The following KCNIP4 variants were observed in gnomAD, a reference collection of about 807,000 sequenced individuals.
The protein encoded by KCNIP4 is potassium voltage-gated channel interacting protein 4.
A neutral mutation model predicts 34.0 loss-of-function variants in KCNIP4; 12 were observed. The observed-to-expected ratio is 0.35, with a 90% CI of 0.23 to 0.57. The LOEUF is 0.57. Ranked by LOEUF, KCNIP4 falls within the 20% of genes least tolerant of loss-of-function variation. KCNIP4 has a pLI of 0.83. For synonymous variants in KCNIP4, 124 were observed against 102.2 expected (o/e 1.21, Z -1.29); for missense variants, 238 against 311.7 (o/e 0.76, Z 1.78).
chr4:21,034,090 G>T (rs1300572362), intron 1 of KCNIP4, among the ~76,000 whole-genome samples: 2 of 152,116 alleles, frequency 1.3e-5, no homozygotes, highest in Non-Finnish European at 2.9e-5. Context: ...ACACAAAAAA[G>T]AGAGAGACAT....
intron 1 of KCNIP4, among the ~76,000 whole-genome samples, chr4:21,234,779 C>A (rs1022269297): frequency 6.6e-6 from 1 of 151,410 alleles, no homozygotes; most frequent in African/African-American, 2.4e-5. Flanking sequence ...TCCTGAGTAG[C>A]TGAGATTACA....
intron 1 of KCNIP4, among the ~76,000 whole-genome samples, chr4:21,193,540 A>G (rs562305284): frequency 6.6e-6 from 1 of 150,666 alleles, no homozygotes; most frequent in Admixed American, 6.6e-5. Flanking sequence ...TGTAGCAGTC[A>G]TTCAGTATGG....
chr4:21,796,834 G>C (rs1720655643), intron 1 of KCNIP4, among the ~76,000 whole-genome samples: 1 of 152,140 alleles, frequency 6.6e-6, no homozygotes, highest in African/African-American at 2.4e-5. Context: ...ACATGTTCCG[G>C]AAAAGCCCAA....
chr4:20,920,014 T>C (rs556637274), intron 1 of KCNIP4, among the ~76,000 whole-genome samples: 4 of 152,140 alleles, frequency 2.6e-5, no homozygotes, highest in Non-Finnish European at 5.9e-5. Flanking sequence ...ATTGAATGGC[T>C]CTAGGCCATT....
At chr4:21,803,081 C>A (rs781560432) in intron 1 of KCNIP4, among the ~76,000 whole-genome samples, 1 of 152,112 alleles carries the variant, frequency 6.6e-6, no homozygotes, top group African/African-American at 2.4e-5. Flanking sequence ...GGGATGAAGG[C>A]CTGCTCCAGA....
chr4:20,839,463 A>G (rs1434122494), intron 3 of KCNIP4, among the ~76,000 whole-genome samples: 2 of 147,634 alleles, frequency 1.4e-5, no homozygotes, highest in Non-Finnish European at 3.0e-5. Context: ...GCAAGTAGAT[A>G]TCTATATTGT....
intron 1 of KCNIP4, among the ~76,000 whole-genome samples, chr4:21,255,135 T>G (rs1266547777): frequency 6.6e-6 from 1 of 152,200 alleles, no homozygotes; most frequent in East Asian, 1.9e-4. Flanking sequence ...TCTGCCCATT[T>G]TGCCCAACTA....
chr4:21,345,792 A>T (rs1578106734), intron 1 of KCNIP4, among the ~76,000 whole-genome samples: 1 of 152,138 alleles, frequency 6.6e-6, no homozygotes, highest in Non-Finnish European at 1.5e-5. Context: ...CTCCTTAAAA[A>T]TATGAAATTT....
intron 1 of KCNIP4, among the ~76,000 whole-genome samples, chr4:21,360,831 T>G (rs1268206356): frequency 6.6e-6 from 1 of 152,122 alleles, no homozygotes; most frequent in Non-Finnish European, 1.5e-5. Flanking sequence ...CGGTCATGTT[T>G]AGACAACAGG....
At chr4:21,636,763 A>G (rs1746201804) in intron 1 of KCNIP4, among the ~76,000 whole-genome samples, 1 of 152,240 alleles carries the variant, frequency 6.6e-6, no homozygotes, top group Non-Finnish European at 1.5e-5. Flanking sequence ...ATGGCAAATA[A>G]GAAATAATAT....
intron 2 of KCNIP4, among the ~76,000 whole-genome samples, chr4:20,876,893 G>A (rs567260251): frequency 7.0e-4 from 106 of 152,242 alleles, no homozygotes; most frequent in Middle Eastern, 6.8e-3. Context: ...CTTATAAGAG[G>A]AGTGTGACTC....
intron 1 of KCNIP4, among the ~76,000 whole-genome samples, chr4:21,547,482 C>G (rs1738236492): frequency 6.6e-6 from 1 of 151,978 alleles, no homozygotes; most frequent in African/African-American, 2.4e-5. Context: ...AAAAGAGGCT[C>G]TTATATGATA....
chr4:21,751,595 T>A (rs2109145501), intron 1 of KCNIP4, among the ~76,000 whole-genome samples: 1 of 152,316 alleles, frequency 6.6e-6, no homozygotes. Flanking sequence ...CAGTTTCTTT[T>A]GTTTGCGTTT....
intron 1 of KCNIP4, among the ~76,000 whole-genome samples, chr4:21,294,228 C>T (rs890122066): frequency 2.6e-5 from 4 of 151,984 alleles, no homozygotes; most frequent in Non-Finnish European, 5.9e-5. Flanking sequence ...TTTGAGACTC[C>T]CCTACTATAT....
At position 21,364,522 on chromosome 4, in the gene KCNIP4, T is replaced by C. The variant is rs558125615; in HGVS notation, c.62-481813A>G. 2.0e-5 allele frequency among the ~76,000 whole-genome samples: 3 copies of C among 152,230 alleles called. No individual in the cohort carries two copies. The South Asian group carries it at 6.2e-4, about 32-fold the overall frequency. On this transcript the variant is annotated intron_variant, in intron 1 of 8. Transcript: ENST00000382152. ...CATGTGTTGGATGAAAAAAAGAACA[T>C]GTAATCCACCGGTTAAAGATGGAAG...
At position 20,837,370 on chromosome 4, in the gene KCNIP4, A is replaced by G. The variant is rs545595492; in HGVS notation, c.288+13173T>C. 5.0e-4 allele frequency among the ~76,000 whole-genome samples: 76 copies of G among 152,238 alleles called. 1 individual carries two copies. Among genetic ancestry groups the G allele is most frequent in the African/African-American group, 1.7e-3 (69 of 41,556 alleles). ...TTTGGCAACATATTTTATTTTAATA[A>G]AGATTCAAATGCCTGCAGGATCACT... On this transcript the variant is annotated intron_variant, in intron 3 of 8. Coordinates refer to ENST00000382152, the MANE Select transcript of KCNIP4 (RefSeq NM_025221.6).
intron 1 of KCNIP4, among the ~76,000 whole-genome samples, chr4:21,120,656 A>G (rs1577727001): frequency 6.6e-6 from 1 of 152,084 alleles, no homozygotes; most frequent in Non-Finnish European, 1.5e-5. Flanking sequence ...ATGAGAGTTC[A>G]CTCACTATCA....
intron 1 of KCNIP4, among the ~76,000 whole-genome samples, chr4:21,452,048 C>A (rs574395563): frequency 5.3e-5 from 8 of 152,170 alleles, no homozygotes; most frequent in African/African-American, 1.9e-4. Flanking sequence ...TCCCCCCCAA[C>A]TCCGCCTTCC....
chr4:20,938,509 A>C (rs943051582), intron 1 of KCNIP4, among the ~76,000 whole-genome samples: 1 of 152,148 alleles, frequency 6.6e-6, no homozygotes, highest in African/African-American at 2.4e-5. Context: ...TTTAAGTCAG[A>C]ATATTTAAGA....
Sources: gnomAD v4.1 joint callset for allele counts (sites outside exome capture counted in the v4.1 genomes callset) on GRCh38, gnomAD v4.1.1 for gene constraint, MANE v1.5 for transcripts, NCBI Gene and HGNC (gene_info 2026-07-23, HGNC 2026-07-21) for gene names.